The following ZDHHC21 variants were observed in gnomAD, a reference collection of about 807,000 sequenced individuals.
ZDHHC21 encodes palmitoyltransferase ZDHHC21.
ZDHHC21 carries 15 observed loss-of-function variants against 34.6 expected under a neutral mutation model. The observed-to-expected ratio is 0.43, with a 90% CI of 0.29 to 0.67. ZDHHC21 has a LOEUF of 0.67. ZDHHC21 is among the 30% of genes least tolerant of loss of function. ZDHHC21 has a pLI of 0.14. For synonymous variants in ZDHHC21, 142 were observed against 101.8 expected, an observed-to-expected ratio of 1.40 and a Z score of -2.38; for missense variants, 344 against 327.7, an observed-to-expected ratio of 1.05 and a Z score of -0.38.
chr9:14,644,032 A>T (rs1829859183), intron 7 of ZDHHC21, among the ~76,000 whole-genome samples: 1 of 152,246 alleles, frequency 6.6e-6, no homozygotes, highest in Non-Finnish European at 1.5e-5. Context: ...GTTACAACAC[A>T]TACTCATGCA....
chr9:14,622,365 A>T (rs1825453996), intron 8 of ZDHHC21, among the ~76,000 whole-genome samples: 1 of 151,670 alleles, frequency 6.6e-6, no homozygotes, highest in Admixed American at 6.6e-5. Context: ...AATTATGTTG[A>T]CTATTACCAC....
At chr9:14,604,508 G>C in the ZDHHC21 span, among the ~76,000 whole-genome samples, 2 of 152,070 alleles carry the variant, frequency 1.3e-5, no homozygotes, top group Admixed American at 1.3e-4. Flanking sequence ...CTTTAGGATG[G>C]CGGCTACCTC....
At chr9:14,684,376 G>A (rs1338483713) in intron 2 of ZDHHC21, among the ~76,000 whole-genome samples, 16 of 145,950 alleles carry the variant, frequency 1.1e-4, no homozygotes, top group South Asian at 4.4e-4. Flanking sequence ...AAATCAATGT[G>A]CAAAAATCAC....
At chr9:14,686,076 A>T (rs990705258) in intron 2 of ZDHHC21, among the ~76,000 whole-genome samples, 2 of 152,090 alleles carry the variant, frequency 1.3e-5, no homozygotes, top group East Asian at 3.9e-4. Context: ...AGGGGGGAGG[A>T]ATAGCATTAT....
At chr9:14,639,697 C>T (rs1260903837) in intron 8 of ZDHHC21, among the ~76,000 whole-genome samples, 199 bp downstream of exon 8, 1 of 151,986 alleles carries the variant, frequency 6.6e-6, no homozygotes, top group Non-Finnish European at 1.5e-5. Context: ...TATTTGTTAG[C>T]TTTTAAAAAC....
intron 8 of ZDHHC21, among the ~76,000 whole-genome samples, chr9:14,635,710 T>C (rs774286128): frequency 2.6e-5 from 4 of 152,140 alleles, no homozygotes; most frequent in South Asian, 2.1e-4. Flanking sequence ...GAAAGGATGA[T>C]AGCTACCATC....
At chr9:14,641,385 T>G (rs1284339572) in intron 7 of ZDHHC21, among the ~76,000 whole-genome samples, 2 of 152,174 alleles carry the variant, frequency 1.3e-5, no homozygotes, top group African/African-American at 4.8e-5. Flanking sequence ...GATGGGCCTG[T>G]GGATGACATA....
chr9:14,662,406 T>C, intron 5 of ZDHHC21, 80 bp from the exon 6 acceptor site: 1 of 1,056,780 alleles, frequency 9.5e-7, no homozygotes. Context: ...TTAGAAGATT[T>C]TATAGGAAGC....
chr9:14,667,344 TG>T (rs1834643131), intron 5 of ZDHHC21, among the ~76,000 whole-genome samples: 1 of 151,036 alleles, frequency 6.6e-6, no homozygotes, highest in Admixed American at 6.6e-5. Context: ...GAGCTGAAAT[TG>T]TGGCAATAAT....
At chr9:14,621,813 T>G (rs987915232) in intron 8 of ZDHHC21, among the ~76,000 whole-genome samples, 61 of 152,050 alleles carry the variant, frequency 4.0e-4, no homozygotes, top group African/African-American at 1.4e-3. Context: ...GTTACTACTA[T>G]GAAGAATATG....
In ZDHHC21 at chr9:14,613,351, C is replaced by T. The variant is rs1170970098; in HGVS notation, c.*5615G>A. ...TGTCACTCAATGCTAAAGTGAATAG[C>T]ACCAGGATGTTTTATAGTTGTTGAG... On this transcript the variant is annotated 3_prime_UTR_variant, in exon 10 of 10. Transcript: ENST00000380916. 2 of 151,832 alleles carry T rather than the reference C, an allele frequency of 1.3e-5. No homozygotes were observed. The highest frequency in any genetic ancestry group is 2.9e-5 in the Non-Finnish European group (2 of 67,852). 9.4% of individuals were successfully genotyped at this position (151,832 alleles called of 1,614,324 possible). A position where few individuals can be genotyped will look rare whatever the true frequency, so the allele number is the denominator to read the frequency against.
chr9:14,625,007 T>C (rs1825965232), intron 8 of ZDHHC21, among the ~76,000 whole-genome samples: 1 of 152,182 alleles, frequency 6.6e-6, no homozygotes, highest in East Asian at 1.9e-4. Flanking sequence ...TTGCCTGCTT[T>C]ATCTATTACT....
chr9:14,623,240 C>T (rs192917974), intron 8 of ZDHHC21, among the ~76,000 whole-genome samples: 3 of 151,668 alleles, frequency 2.0e-5, no homozygotes, highest in East Asian at 1.9e-4. Context: ...TGGCTGGGTG[C>T]GGTGGCTCAC....
In ZDHHC21 at chr9:14,675,438, C is replaced by G. The variant is rs535135882; in HGVS notation, c.-45-1053G>C. Among the ~76,000 whole-genome samples the G allele has an allele frequency of 1.1e-4, 16 of 152,016 alleles. No homozygotes were observed. In the South Asian group the frequency reaches 3.3e-3, roughly 31 times the overall value. On this transcript the variant is annotated intron_variant, in intron 3 of 9. Coordinates refer to ENST00000380916, the MANE Select transcript of ZDHHC21 (RefSeq NM_178566.6). Reference sequence around the variant, plus strand: ...ATTCCCAGACCCCATTCTACATCTACTGAATCATAATTCTTCATAAAACTC... The same window carrying G: ...ATTCCCAGACCCCATTCTACATCTAGTGAATCATAATTCTTCATAAAACTC...
the ZDHHC21 span, among the ~76,000 whole-genome samples, chr9:14,593,195 C>A: frequency 5.3e-4 from 81 of 151,796 alleles, 2 homozygotes; most frequent in Admixed American, 5.3e-3. Flanking sequence ...TAAAGAAAAT[C>A]AAGATAAAAG....
At chr9:14,671,231 G>C (rs1167061243) in intron 5 of ZDHHC21, among the ~76,000 whole-genome samples, 1 of 152,008 alleles carries the variant, frequency 6.6e-6, no homozygotes, top group East Asian at 1.9e-4. Flanking sequence ...ATAATGCAAT[G>C]CTTGGTTTGT....
chr9:14,639,789 G>C, intron 8 of ZDHHC21, 107 bp downstream of exon 8: 1 of 581,492 alleles, frequency 1.7e-6, no homozygotes, highest in South Asian at 3.9e-5. Flanking sequence ...TAAAAAGCAT[G>C]GGTAATTTTC....
Position 14,619,038 on chromosome 9 carries a change from C to T in ZDHHC21, c.726G>A (p.Lys242=), listed in dbSNP as rs778139271. 2 of 1,612,384 alleles carry T rather than the reference C, an allele frequency of 1.2e-6. No individual in the cohort carries two copies. The highest frequency in any genetic ancestry group is 1.7e-6 in the Non-Finnish European group (2 of 1,179,078). ...GCCTGAAAGGAATGAACCACAGGAT[C>T]TTCCAACGAGTGCCAAAAACTTCTG... ...TFSEVFGTRW[K]ILWFIPFRQR... is the part of the protein sequence containing the mutation. Residue 242 remains lysine (K), a synonymous_variant, in exon 10 of 10, where the codon AAG becomes AAA. Transcript: ENST00000380916.
At chr9:14,601,938 T>G in the ZDHHC21 span, among the ~76,000 whole-genome samples, 1 of 151,292 alleles carries the variant, frequency 6.6e-6, no homozygotes, top group Non-Finnish European at 1.5e-5. Context: ...TAAGTGGGAG[T>G]TGAACAATGA....
Sources: allele counts gnomAD v4.1 joint callset (sites outside exome capture counted in the v4.1 genomes callset), GRCh38; gene constraint gnomAD v4.1.1; transcripts MANE v1.5; gene names NCBI Gene and HGNC (gene_info 2026-07-23, HGNC 2026-07-21).